Variants in PRR16 observed in about 807,000 individuals in gnomAD.
PRR16 encodes proline rich 16.
A neutral mutation model predicts 18.2 loss-of-function variants in PRR16; 6 were observed. That is an observed-to-expected ratio of 0.33 (90% CI 0.18 to 0.65). The LOEUF is 0.65. Ranked by LOEUF, PRR16 falls within the 30% of genes least tolerant of loss-of-function variation. The pLI is 0.74. For missense variants in PRR16, 412 were observed against 376.6 expected, an observed-to-expected ratio of 1.09 and a Z score of -0.78; for synonymous variants, 151 against 147.8, an observed-to-expected ratio of 1.02 and a Z score of -0.16.
At chr5:120,521,996 T>C (rs145743620) in intron 1 of PRR16, among the ~76,000 whole-genome samples, 1 of 152,228 alleles carries the variant, frequency 6.6e-6, no homozygotes, top group Admixed American at 6.5e-5. Context: ...ACAAAGGACA[T>C]GCACTCATCC....
chr5:120,484,162 T>G lies in PRR16; in HGVS notation c.159+19517T>G, dbSNP rs571359505. Among the ~76,000 whole-genome samples, 5 of 151,788 alleles carry G rather than the reference T, an allele frequency of 3.3e-5. No homozygotes were observed. In the South Asian group the frequency reaches 1.0e-3, roughly 31 times the overall value. On this transcript the variant is annotated intron_variant, in intron 1 of 1. Transcript: ENST00000407149. ...GAAAATATTCCTATTTCTTAACTAC[T>G]CAAGTTATCTGAACAAAGTTTAATT...
the PRR16 span, among the ~76,000 whole-genome samples, chr5:120,783,056 T>C: frequency 1.3e-5 from 2 of 152,184 alleles, no homozygotes; most frequent in African/African-American, 4.8e-5. Context: ...CCTTAGGCAG[T>C]GCTCGCACTG....
At chr5:120,572,542 G>A (rs1421566153) in intron 1 of PRR16, among the ~76,000 whole-genome samples, 2 of 152,122 alleles carry the variant, frequency 1.3e-5, no homozygotes, top group African/African-American at 4.8e-5. Flanking sequence ...AGATATACAA[G>A]TAGGCTGTTA....
rs987677783 is a variant in PRR16 at position 120,544,303 on chromosome 5, A to T, written c.159+79658A>T. ...AAAGGCTATTTATGTGAACTCTCAC[A>T]ATCTTCAAATGTTAGCACATAATTT... is the stretch of plus-strand genomic sequence containing the variant. On this transcript the variant is annotated intron_variant, in intron 1 of 1. Coordinates refer to ENST00000407149, the MANE Select transcript of PRR16 (RefSeq NM_001300783.2). Among the ~76,000 whole-genome samples, 5 of 152,176 alleles carry T rather than the reference A, an allele frequency of 3.3e-5. No homozygotes were observed. The East Asian group carries it at 9.6e-4, about 29-fold the overall frequency.
At chr5:120,515,332 CA>C (rs1250004522) in intron 1 of PRR16, among the ~76,000 whole-genome samples, 1 of 152,168 alleles carries the variant, frequency 6.6e-6, no homozygotes, top group Non-Finnish European at 1.5e-5. Flanking sequence ...TACATTTGCA[CA>C]GAGGATTAAG....
At chr5:120,700,607 A>G in the PRR16 span, among the ~76,000 whole-genome samples, 9 of 152,102 alleles carry the variant, frequency 5.9e-5, no homozygotes, top group African/African-American at 2.2e-4. Flanking sequence ...AGGAGTGCTT[A>G]AAAGAGTATT....
chr5:120,507,454 A>ATG (rs1352629982), intron 1 of PRR16, among the ~76,000 whole-genome samples: 1 of 152,118 alleles, frequency 6.6e-6, no homozygotes, highest in African/African-American at 2.4e-5. Flanking sequence ...AAAGTGGCAA[A>ATG]TGTGTGACTG....
At chr5:120,672,944 A>G (rs1756665874) in intron 1 of PRR16, among the ~76,000 whole-genome samples, 2 of 152,178 alleles carry the variant, frequency 1.3e-5, no homozygotes, top group South Asian at 4.1e-4. Flanking sequence ...TTAGGTTACT[A>G]AAGCAATTGT....
chr5:120,495,702 A>G (rs1463283152), intron 1 of PRR16, among the ~76,000 whole-genome samples: 1 of 152,016 alleles, frequency 6.6e-6, no homozygotes, highest in African/African-American at 2.4e-5. Context: ...ATTACCTTGT[A>G]TTCTGTGACT....
chr5:120,538,398 C>T (rs1260900298), intron 1 of PRR16, among the ~76,000 whole-genome samples: 1 of 152,110 alleles, frequency 6.6e-6, no homozygotes, highest in Admixed American at 6.5e-5. Flanking sequence ...GGAATCCACA[C>T]GTAATTTGTC....
chr5:120,705,873 A>G, the PRR16 span, among the ~76,000 whole-genome samples: 2 of 152,158 alleles, frequency 1.3e-5, no homozygotes, highest in African/African-American at 4.8e-5. Context: ...TTGTAACACA[A>G]GAGACCCTAA....
the PRR16 span, among the ~76,000 whole-genome samples, chr5:120,768,936 T>C: frequency 6.6e-6 from 1 of 151,878 alleles, no homozygotes; most frequent in South Asian, 2.1e-4. Flanking sequence ...TCCTGATCAT[T>C]ACTCTAAGAG....
In PRR16 at chr5:120,556,566, C is replaced by T. The variant is rs569781609; in HGVS notation, c.159+91921C>T. 9.0e-4 allele frequency among the ~76,000 whole-genome samples: 137 copies of T among 151,968 alleles called. 1 individual carries two copies. The highest frequency in any genetic ancestry group is 3.4e-3 in the Middle Eastern group (1 of 294). Reference sequence around the variant, plus strand: ...GCCTGTAGATACTCATTTATACTACCACCAATTAAAGGAAACCAAGGCTCT... The same window carrying T: ...GCCTGTAGATACTCATTTATACTACTACCAATTAAAGGAAACCAAGGCTCT... On this transcript the variant is annotated intron_variant, in intron 1 of 1. Transcript: ENST00000407149.
At chr5:120,648,214 T>G (rs573696156) in intron 1 of PRR16, among the ~76,000 whole-genome samples, 1 of 152,280 alleles carries the variant, frequency 6.6e-6, no homozygotes, top group East Asian at 1.9e-4. Context: ...GGTGATACTT[T>G]GCTGAACCTA....
At chr5:120,521,843 C>G (rs1186318343) in intron 1 of PRR16, among the ~76,000 whole-genome samples, 2 of 152,070 alleles carry the variant, frequency 1.3e-5, no homozygotes, top group Admixed American at 6.6e-5. Context: ...CACCATAGGC[C>G]CCTGTGTGTG....
At chr5:120,576,099 G>A (rs1753067826) in intron 1 of PRR16, among the ~76,000 whole-genome samples, 1 of 152,158 alleles carries the variant, frequency 6.6e-6, no homozygotes, top group African/African-American at 2.4e-5. Context: ...ATGATTCCAT[G>A]ACATTGGTCT....
chr5:120,765,367 G>A, the PRR16 span, among the ~76,000 whole-genome samples: 1 of 151,996 alleles, frequency 6.6e-6, no homozygotes, highest in Non-Finnish European at 1.5e-5. Flanking sequence ...ATAAATAACA[G>A]TTGTTGATTT....
intron 1 of PRR16, among the ~76,000 whole-genome samples, chr5:120,652,244 T>A (rs1031168652): frequency 6.6e-6 from 1 of 151,916 alleles, no homozygotes; most frequent in Non-Finnish European, 1.5e-5. Context: ...GTTTTTTTTG[T>A]TTATTGATAT....
chr5:120,522,867 C>T lies in PRR16; in HGVS notation c.159+58222C>T, dbSNP rs191573658. ...TCCTGACCTCGTGATCCACCTGCCT[C>T]GGCCTCCCAAAATGCTGGGATTACG... On this transcript the variant is annotated intron_variant, in intron 1 of 1. Transcript: ENST00000407149. 1.1e-3 allele frequency among the ~76,000 whole-genome samples: 168 copies of T among 152,282 alleles called. 1 individual carries two copies. Among genetic ancestry groups the T allele is most frequent in the African/African-American group, 3.8e-3 (158 of 41,564 alleles).
Sources: gnomAD v4.1 joint callset for allele counts (sites outside exome capture counted in the v4.1 genomes callset) on GRCh38, gnomAD v4.1.1 for gene constraint, MANE v1.5 for transcripts, NCBI Gene and HGNC (gene_info 2026-07-23, HGNC 2026-07-21) for gene names.